The following HNRNPK variants were observed in gnomAD, a reference collection of about 807,000 sequenced individuals.
HNRNPK encodes the protein dC-stretch binding protein.
HNRNPK carries 7 observed loss-of-function variants against 67.0 expected under a neutral mutation model. The ratio of observed to expected loss-of-function variants is 0.10; its 90% confidence interval spans 0.06 to 0.20. The LOEUF (loss-of-function observed/expected upper bound fraction) is 0.20. Ranked by LOEUF, HNRNPK falls within the 10% of genes least tolerant of loss-of-function variation. The pLI is 1.00. For synonymous variants in HNRNPK, 213 were observed against 193.7 expected (o/e 1.10, Z -0.83); for missense variants, 264 against 606.5 (o/e 0.44, Z 5.93).
intron 1 of HNRNPK, 28 bp from the exon 2 acceptor site, chr9:83,978,480 G>T: frequency 1.3e-6 from 1 of 783,788 alleles, no homozygotes; most frequent in Non-Finnish European, 1.7e-6. Context: ...AATCAGTTTT[G>T]CTTTTGTTTA....
chr9:83,971,778 T>G (rs774059689), intron 11 of HNRNPK, 52 bp from the exon 12 acceptor site: 2 of 1,598,248 alleles, frequency 1.3e-6, no homozygotes, highest in Admixed American at 1.7e-5. Flanking sequence ...GCCACACATA[T>G]CAAATCAAAG....
chr9:83,972,836 T>C lies in HNRNPK; in HGVS notation c.645+8A>G, dbSNP rs760920425. ...AATCAAATGTAAACAAAAAGTGTTC[T>C]GAAGTACCTCAGATATAAGATCAAG... is the stretch of plus-strand genomic sequence containing the variant. On this transcript the variant is annotated splice_region_variant and intron_variant, in intron 10 of 16. Transcript: ENST00000376263. 19 of 1,585,700 alleles carry C rather than the reference T, an allele frequency of 1.2e-5. No individual in the cohort carries two copies. The highest frequency in any genetic ancestry group is 1.6e-5 in the Non-Finnish European group (19 of 1,170,282).
chr9:83,977,343 A>C (rs891986555), intron 4 of HNRNPK, among the ~76,000 whole-genome samples: 2 of 152,236 alleles, frequency 1.3e-5, no homozygotes, highest in African/African-American at 4.8e-5. Flanking sequence ...CAATTAATTT[A>C]GTATTAGTAG....
At chr9:83,977,561 GT>G in intron 4 of HNRNPK, 127 bp downstream of exon 4, 1 of 604,806 alleles carries the variant, frequency 1.7e-6, no homozygotes, top group Non-Finnish European at 2.9e-6. Flanking sequence ...CTTCAAGTCT[GT>G]TTAGAAAGAA....
Position 83,978,381 on chromosome 9 carries a change from A to G in HNRNPK, c.-36T>C. On this transcript the variant is annotated 5_prime_UTR_variant, in exon 2 of 17. Transcript: ENST00000376263. Reference sequence around the variant, plus strand: ...TTGCTTCTAGAACGTACCAGTTATTATATATCCTTGCAGAGCAGAACTGAA... The same window carrying G: ...TTGCTTCTAGAACGTACCAGTTATTGTATATCCTTGCAGAGCAGAACTGAA... The G allele has an allele frequency of 2.7e-6, 4 of 1,483,098 alleles. No homozygotes were observed. Among genetic ancestry groups the G allele is most frequent in the Non-Finnish European group, 3.6e-6 (4 of 1,124,582 alleles). The allele number at this position is 1,483,098 out of a possible 1,614,324, so 91.9% of individuals were successfully genotyped here. A position where few individuals can be genotyped will look rare whatever the true frequency, so the allele number is the denominator to read the frequency against.
chr9:83,979,240 C>G (rs1276131533), intron 1 of HNRNPK, among the ~76,000 whole-genome samples: 3 of 152,170 alleles, frequency 2.0e-5, no homozygotes, highest in East Asian at 3.9e-4. Flanking sequence ...AGCCAACAAG[C>G]GAGGCACATT....
Position 83,971,664 on chromosome 9 carries a change from G to GT in HNRNPK, c.1008+7dup. 1 of 1,609,436 alleles carries GT rather than the reference G, an allele frequency of 6.2e-7. No homozygotes were observed. The highest frequency in any genetic ancestry group is 8.5e-7 in the Non-Finnish European group (1 of 1,175,754). ...CCCAACACACTGGTAATAAACCAAA[G>GT]TTCTTACCATGCCGTCGTAACGGTC... On this transcript the variant is annotated splice_region_variant and intron_variant, in intron 12 of 16. Transcript: ENST00000376263.
At position 83,974,525 on chromosome 9, in the gene HNRNPK, A is replaced by G; in HGVS notation, c.322T>C (p.Leu108=). 6.4e-7 allele frequency: 1 copy of G among 1,563,372 alleles called. No homozygotes were observed. Among genetic ancestry groups the G allele is most frequent in the South Asian group, 1.1e-5 (1 of 89,624 alleles). The change falls in exon 7 of 17, where the codon TTG becomes CTG. Residue 108 remains leucine (L), a synonymous_variant. Coordinates refer to ENST00000376263, the MANE Select transcript of HNRNPK (RefSeq NM_031263.4). ...GEILKKIIPT[L]EEGLQLPSPT... Reference sequence around the variant, plus strand: ...AAAAAAAATGAGCCTACCTCTTCCAAGGTAGGGATGATTTTCTTCAGAATT... The same window carrying G: ...AAAAAAAATGAGCCTACCTCTTCCAGGGTAGGGATGATTTTCTTCAGAATT...
intron 7 of HNRNPK, 43 bp downstream of exon 7, chr9:83,974,474 C>A: frequency 1.1e-6 from 1 of 934,840 alleles, no homozygotes; most frequent in Non-Finnish European, 1.7e-6. Context: ...TTAAACATTC[C>A]CCCCTCATAT....
At chr9:83,978,475 G>A in intron 1 of HNRNPK, 23 bp from the exon 2 acceptor site, 1 of 841,028 alleles carries the variant, frequency 1.2e-6, no homozygotes, top group Non-Finnish European at 1.6e-6. Flanking sequence ...ACACAAATCA[G>A]TTTTGCTTTT....
At chr9:83,974,971 TGCAA>T (rs945242970) in intron 6 of HNRNPK, among the ~76,000 whole-genome samples, 1 of 152,234 alleles carries the variant, frequency 6.6e-6, no homozygotes, top group African/African-American at 2.4e-5. Context: ...TGGGGGAATA[TGCAA>T]GTGGTGAACA....
intron 10 of HNRNPK, 40 bp from the exon 11 acceptor site, chr9:83,972,229 AAG>A: frequency 1.4e-6 from 2 of 1,446,018 alleles, no homozygotes; most frequent in Non-Finnish European, 9.4e-7. Flanking sequence ...ACTGAAGAAA[AAG>A]AGTCCTGCTT....
intron 3 of HNRNPK, among the ~76,000 whole-genome samples, 198 bp downstream of exon 3, chr9:83,977,997 G>GC (rs1258351901): frequency 6.6e-6 from 1 of 152,026 alleles, no homozygotes; most frequent in Non-Finnish European, 1.5e-5. Flanking sequence ...ATCCCAAAAT[G>GC]CAAGAAAAAT....
At chr9:83,980,350 G>C (rs1255764899), upstream of HNRNPK, 1 of 152,434 alleles carries the variant, frequency 6.6e-6, no homozygotes, top group East Asian at 1.9e-4. Context: ...CGGAGGAGGC[G>C]ACAACCCCGC....
intron 5 of HNRNPK, among the ~76,000 whole-genome samples, chr9:83,976,030 T>C (rs1235936602): frequency 1.3e-5 from 2 of 152,040 alleles, no homozygotes; most frequent in Non-Finnish European, 2.9e-5. Context: ...ATACAGAACA[T>C]CTGGATTAAG....
At chr9:83,969,846 GC>G (rs770355971) in intron 16 of HNRNPK, 1 of 611,614 alleles carries the variant, frequency 1.6e-6, no homozygotes, top group East Asian at 3.7e-5. Flanking sequence ...ACAGAACTAG[GC>G]CAACATCCAA....
chr9:83,978,693 C>T (rs190999056), intron 1 of HNRNPK, among the ~76,000 whole-genome samples: 1 of 152,332 alleles, frequency 6.6e-6, no homozygotes, highest in Admixed American at 6.5e-5. Flanking sequence ...AGTCCCACCA[C>T]AGCAATGAAT....
At chr9:83,976,818 T>G in intron 5 of HNRNPK, 177 bp downstream of exon 5, 17 of 449,398 alleles carry the variant, frequency 3.8e-5, no homozygotes, top group South Asian at 5.2e-5. Context: ...CCCTGCTCAA[T>G]CTGGGCTTTT....
At position 83,978,312 on chromosome 9, in the gene HNRNPK, C is replaced by T. The variant is rs1359307901; in HGVS notation, c.-27-33G>A. 1.5e-4 allele frequency: 221 copies of T among 1,480,512 alleles called. 1 individual carries two copies. The highest frequency in any genetic ancestry group is 1.9e-4 in the Admixed American group (8 of 42,382). The allele number at this position is 1,480,512 out of a possible 1,614,324, so 91.7% of individuals were successfully genotyped here. A position where few individuals can be genotyped will look rare whatever the true frequency, so the allele number is the denominator to read the frequency against. On this transcript the variant is annotated intron_variant, in intron 2 of 16. Coordinates refer to ENST00000376263, the MANE Select transcript of HNRNPK (RefSeq NM_031263.4). The stretch of plus-strand genomic sequence containing the variant: ...AAAATAAAGCAGCTAGTACATTTGG[C>T]TTATTGGAAAGCAAGCTGTAAAAAA...
Sources: gnomAD v4.1 joint callset for allele counts (sites outside exome capture counted in the v4.1 genomes callset) on GRCh38, gnomAD v4.1.1 for gene constraint, MANE v1.5 for transcripts, NCBI Gene and HGNC (gene_info 2026-07-23, HGNC 2026-07-21) for gene names.